RSKR: variants seen among roughly 807,000 people sequenced by gnomAD.
RSKR encodes ribosomal protein S6 kinase related.
In RSKR, 44 loss-of-function variants were observed where a neutral mutation model predicts 56.8. The observed-to-expected ratio is 0.77, with a 90% CI of 0.61 to 1.00. RSKR has a LOEUF of 1.00. Among genes scored for constraint, RSKR ranks in the 50% least tolerant of loss-of-function variants. RSKR has a pLI of 0.00. For synonymous variants in RSKR, 181 were observed against 188.0 expected, an observed-to-expected ratio of 0.96 and a Z score of 0.30; for missense variants, 510 against 506.9, an observed-to-expected ratio of 1.01 and a Z score of -0.06.
chr17:28,610,355 G>C lies in RSKR; in HGVS notation c.*123C>G, dbSNP rs970920544. 4 of 899,900 alleles carry C rather than the reference G, an allele frequency of 4.4e-6. No homozygotes were observed. Among genetic ancestry groups the C allele is most frequent in the Non-Finnish European group, 5.0e-6 (3 of 597,962 alleles). The allele number at this position is 899,900 out of a possible 1,614,324, so 55.7% of individuals were successfully genotyped here. The stretch of plus-strand genomic sequence containing the variant: ...GTTGGAACTCTGGTCTAAAGCCTAG[G>C]AGAGCAGAACGGTAAGAGGCTACAA... On this transcript the variant is annotated 3_prime_UTR_variant, in exon 12 of 12. Coordinates refer to ENST00000301037, the MANE Select transcript of RSKR (RefSeq NM_001174103.2).
At chr17:28,612,839 G>A (rs2070839473) in intron 4 of RSKR, 152 bp from the exon 5 acceptor site, 1 of 796,578 alleles carries the variant, frequency 1.3e-6, no homozygotes, top group African/African-American at 1.7e-5. Flanking sequence ...TGACTATCTG[G>A]TAATCCTAGA....
chr17:28,610,736 G>A, intron 11 of RSKR, 37 bp from the exon 12 acceptor site: 2 of 1,520,338 alleles, frequency 1.3e-6, no homozygotes, highest in Non-Finnish European at 1.8e-6. Context: ...GAGTGACTAG[G>A]ACAGGACAGG....
At chr17:28,613,054 T>G in intron 4 of RSKR, 24 bp downstream of exon 4, 1 of 1,613,716 alleles carries the variant, frequency 6.2e-7, no homozygotes, top group Non-Finnish European at 8.5e-7. Flanking sequence ...CTTCCCACAA[T>G]CCTTTCCAGG....
chr17:28,613,027 C>T (rs767980637), intron 4 of RSKR, 51 bp downstream of exon 4: 2 of 1,585,732 alleles, frequency 1.3e-6, no homozygotes, highest in Non-Finnish European at 1.7e-6. Flanking sequence ...GGTACTTTCC[C>T]TACCTGTGGC....
rs753707631 is a variant in RSKR at position 28,611,571 on chromosome 17, G to A, written c.807C>T (p.Tyr269=). ...QAYTICGTLQ[Y]MAPEVLSGGP... The stretch of plus-strand genomic sequence containing the variant: ...ATCAGCTTTAACCTCTCTCACCCAT[G>A]TACTGAAGAGTGCCACAGATAGTGT... Residue 269 remains tyrosine (Y), a synonymous_variant, in exon 9 of 12, where the codon TAC becomes TAT. Transcript: ENST00000301037. 12 of 1,556,220 alleles carry A rather than the reference G, an allele frequency of 7.7e-6. No homozygotes were observed. In the East Asian group the frequency reaches 1.8e-4, roughly 23 times the overall value.
chr17:28,612,694 A>T lies in RSKR; in HGVS notation c.478-7T>A, dbSNP rs529246037. The T allele has an allele frequency of 6.8e-6, 11 of 1,614,148 alleles. No individual in the cohort carries two copies. Among genetic ancestry groups the T allele is most frequent in the African/African-American group, 6.7e-5 (5 of 75,046 alleles). ...AGGGATGGTTGATCTGTCGCTAGGA[A>T]CAAAGAAAACAGGAAGTTAGGGAGG... is the stretch of plus-strand genomic sequence containing the variant. On this transcript the variant is annotated splice_polypyrimidine_tract_variant and splice_region_variant and intron_variant, in intron 4 of 11. Coordinates refer to ENST00000301037, the MANE Select transcript of RSKR (RefSeq NM_001174103.2).
intron 1 of RSKR, 82 bp from the exon 2 acceptor site, chr17:28,613,770 C>G (rs1251072267): frequency 1.9e-5 from 30 of 1,571,694 alleles, no homozygotes; most frequent in Non-Finnish European, 2.5e-5. Context: ...ACTCCCTCCC[C>G]TTAAGTCTCA....
At position 28,612,307 on chromosome 17, in the gene RSKR, C is replaced by T; in HGVS notation, c.607G>A (p.Glu203Lys). ...SLWSAVGCFPEASIRLFAAEL... is the reference protein window; with the variant it reads ...SLWSAVGCFPKASIRLFAAEL... The stretch of plus-strand genomic sequence containing the variant: ...GCAGCAAAGAGACGGATGGAAGCCT[C>T]AGGAAAGCAGCCAACAGCCGACCAA... Residue 203 changes from glutamate to lysine, a missense_variant, in exon 6 of 12, where the codon GAG becomes AAG. Coordinates refer to ENST00000301037, the MANE Select transcript of RSKR (RefSeq NM_001174103.2). 1 of 1,614,190 alleles carries T rather than the reference C, an allele frequency of 6.2e-7. No individual in the cohort carries two copies. The highest frequency in any genetic ancestry group is 8.5e-7 in the Non-Finnish European group (1 of 1,180,034).
chr17:28,612,436 G>A, intron 5 of RSKR, 70 bp from the exon 6 acceptor site: 3 of 1,520,810 alleles, frequency 2.0e-6, no homozygotes, highest in Non-Finnish European at 1.8e-6. Context: ...GCAATGCCTG[G>A]GCTCAAGGCA....
chr17:28,612,145 G>A (rs2070824565), intron 6 of RSKR, 61 bp from the exon 7 acceptor site: 3 of 1,593,836 alleles, frequency 1.9e-6, no homozygotes, highest in African/African-American at 2.7e-5. Context: ...TTCCCTAGTA[G>A]CCCTCATCCC....
rs930315832 is a variant in RSKR at position 28,610,253 on chromosome 17, C to T, written c.*225G>A. 9.1e-6 allele frequency: 5 copies of T among 547,086 alleles called. No individual in the cohort carries two copies. The highest frequency in any genetic ancestry group is 1.3e-5 in the Non-Finnish European group (4 of 305,332). 33.9% of individuals were successfully genotyped at this position (547,086 alleles called of 1,614,324 possible). A position where few individuals can be genotyped will look rare whatever the true frequency, so the allele number is the denominator to read the frequency against. On this transcript the variant is annotated 3_prime_UTR_variant, in exon 12 of 12. Coordinates refer to ENST00000301037, the MANE Select transcript of RSKR (RefSeq NM_001174103.2). ...GGAAAAGGTCACCACCCTGATCTGA[C>T]ATGTTGAATTGAGAGGTAGGTTGTA...
At position 28,612,355 on chromosome 17, in the gene RSKR, A is replaced by T; in HGVS notation, c.559T>A (p.Cys187Ser). 6.2e-7 allele frequency: 1 copy of T among 1,614,196 alleles called. No homozygotes were observed. Reference protein sequence around the residue: ...KRHLFIMCSYCSTDLYSLWSA... With the variant: ...KRHLFIMCSYSSTDLYSLWSA... ...CAAAGGGAGTACAGATCTGTGCTGC[A>T]GTAGCTACACACTGCAAAGCCAGTG... The change falls in exon 6 of 12, where the codon TGC becomes AGC. Residue 187 changes from cysteine (C) to serine (S), a missense_variant. Transcript: ENST00000301037.
At chr17:28,612,743 C>T in intron 4 of RSKR, 56 bp from the exon 5 acceptor site, 1 of 1,566,930 alleles carries the variant, frequency 6.4e-7, no homozygotes, top group South Asian at 1.1e-5. Context: ...AGAATAAAGG[C>T]AGCTGAGAAA....
At position 28,610,542 on chromosome 17, in the gene RSKR, GT is replaced by G; in HGVS notation, c.1168del (p.Thr390ProfsTer56). The G allele has an allele frequency of 6.5e-7, 1 of 1,536,072 alleles. No individual in the cohort carries two copies. Among genetic ancestry groups the G allele is most frequent in the East Asian group, 2.4e-5 (1 of 40,898 alleles). ...ACAGTCAAAGTCGTCAAAGGGCATG[GT>G]CTCCGCTGAACTGGGCTGGGTAGCT... ...TQATQPSSAE[T>X]MPFDDFDCDL... is the part of the protein sequence containing the mutation. On this transcript the variant is annotated frameshift_variant, in exon 12 of 12. Coordinates refer to ENST00000301037, the MANE Select transcript of RSKR (RefSeq NM_001174103.2). LOFTEE classifies it high-confidence loss of function.
intron 2 of RSKR, 40 bp from the exon 3 acceptor site, chr17:28,613,385 C>T: frequency 6.2e-7 from 1 of 1,614,156 alleles, no homozygotes; most frequent in South Asian, 1.1e-5. Context: ...TGAGACTGGT[C>T]ATTTTTAACT....
rs536610352 is a variant in RSKR, at chr17:28,611,947, A to G, written c.693+97T>C. 9 of 1,613,150 alleles carry G rather than the reference A, an allele frequency of 5.6e-6. No individual in the cohort carries two copies. In the Admixed American group the frequency reaches 1.3e-4, roughly 24 times the overall value. ...AATCCTTGGCACCCATGGGGGCCCC[A>G]ATGTCTACAGTTCTCAGCTCCCTAA... On this transcript the variant is annotated intron_variant, in intron 7 of 11. Coordinates refer to ENST00000301037, the MANE Select transcript of RSKR (RefSeq NM_001174103.2).
At chr17:28,612,179 C>G in intron 6 of RSKR, 83 bp downstream of exon 6, 1 of 1,583,836 alleles carries the variant, frequency 6.3e-7, no homozygotes, top group Non-Finnish European at 8.7e-7. Flanking sequence ...TCTTTAACTT[C>G]CATTATTAAT....
chr17:28,613,039 T>TAGCTCTTCCCACAATCCC, intron 4 of RSKR, 39 bp downstream of exon 4: 1 of 1,606,564 alleles, frequency 6.2e-7, no homozygotes, highest in Non-Finnish European at 8.5e-7. Flanking sequence ...ACCTGTGGCC[T>TAGCTCTTCCCACAATCCC]AGCTCTTCCC....
At position 28,611,175 on chromosome 17, in the gene RSKR, G is replaced by C. The variant is rs2070807884; in HGVS notation, c.979C>G (p.Leu327Val). 1 of 1,536,306 alleles carries C rather than the reference G, an allele frequency of 6.5e-7. No individual in the cohort carries two copies. Residue 327 changes from leucine to valine, a missense_variant, in exon 11 of 12, where the codon CTT (leucine) becomes GTT (valine). By Grantham distance (32) the Leu-to-Val change is conservative. Coordinates refer to ENST00000301037, the MANE Select transcript of RSKR (RefSeq NM_001174103.2). ...AGCAGGAGTGAGAGGCCCTGGTTAA[G>C]AGAAGCTGGGATCTCAGAGTCACTG... ...THSDSEIPAS[L>V]NQGLSLLLHE... is the part of the protein sequence containing the mutation.
Sources: gnomAD v4.1 joint callset for allele counts on GRCh38, gnomAD v4.1.1 for gene constraint, MANE v1.5 for transcripts, NCBI Gene and HGNC (gene_info 2026-07-23, HGNC 2026-07-21) for gene names.